The following FBXW11 variants were observed in gnomAD, a reference collection of about 807,000 sequenced individuals.
FBXW11 encodes the protein F-box/WD repeat-containing protein 11.
In FBXW11, 19 loss-of-function variants were observed where a neutral mutation model predicts 77.6. That is an observed-to-expected ratio of 0.24 (90% CI 0.17 to 0.36). The LOEUF (loss-of-function observed/expected upper bound fraction) is 0.36, where lower values mean the gene tolerates loss of function less well. FBXW11 is among the 10% of genes least tolerant of loss of function. The pLI, the probability that FBXW11 is intolerant of heterozygous loss-of-function variation, is 1.00. For missense variants in FBXW11, 334 were observed against 704.2 expected (o/e 0.47, Z 5.95); for synonymous variants, 235 against 249.4 (o/e 0.94, Z 0.54).
At chr5:171,955,545 A>G (rs1763563906) in intron 2 of FBXW11, among the ~76,000 whole-genome samples, 1 of 152,166 alleles carries the variant, frequency 6.6e-6, no homozygotes, top group Non-Finnish European at 1.5e-5. Flanking sequence ...TAAAGGGGAG[A>G]AATGTTGGCA....
chr5:171,971,372 T>C (rs1208950085), intron 1 of FBXW11, among the ~76,000 whole-genome samples: 5 of 152,098 alleles, frequency 3.3e-5, no homozygotes, highest in African/African-American at 1.2e-4. Context: ...AGAAACAGAG[T>C]ACTACTATTA....
At chr5:171,893,715 A>G (rs1214441660) in intron 6 of FBXW11, among the ~76,000 whole-genome samples, 1 of 152,148 alleles carries the variant, frequency 6.6e-6, no homozygotes, top group Non-Finnish European at 1.5e-5. Context: ...ACCAATGTTC[A>G]CGTTATACCC....
intron 4 of FBXW11, among the ~76,000 whole-genome samples, chr5:171,903,669 A>G (rs1280994900): frequency 2.6e-5 from 4 of 152,112 alleles, no homozygotes; most frequent in African/African-American, 9.7e-5. Flanking sequence ...AGCTAATTAC[A>G]GCATCTCACT....
chr5:171,950,405 G>GGAAA (rs990016468), intron 2 of FBXW11, among the ~76,000 whole-genome samples: 1 of 150,232 alleles, frequency 6.7e-6, no homozygotes, highest in African/African-American at 2.4e-5. Context: ...CTTCAAAAAT[G>GGAAA]GAAAGAAAAA....
At chr5:171,972,359 G>A (rs1460658436) in intron 1 of FBXW11, among the ~76,000 whole-genome samples, 2 of 149,590 alleles carry the variant, frequency 1.3e-5, no homozygotes, top group Admixed American at 1.3e-4. Flanking sequence ...AAATAAGCCG[G>A]GTGTGGTGGC....
intron 6 of FBXW11, among the ~76,000 whole-genome samples, chr5:171,896,221 G>C (rs1759736967): frequency 6.6e-6 from 1 of 152,106 alleles, no homozygotes; most frequent in Non-Finnish European, 1.5e-5. Context: ...TGTCGAGGTG[G>C]AGGAAGAAGG....
At chr5:171,880,341 T>A (rs1476380219) in intron 7 of FBXW11, among the ~76,000 whole-genome samples, 1 of 152,228 alleles carries the variant, frequency 6.6e-6, no homozygotes, top group Non-Finnish European at 1.5e-5. Context: ...CTGTGATGAC[T>A]GCAGTTTTAC....
intron 6 of FBXW11, among the ~76,000 whole-genome samples, chr5:171,892,862 T>C (rs1019533362): frequency 6.6e-6 from 1 of 152,234 alleles, no homozygotes; most frequent in African/African-American, 2.4e-5. Flanking sequence ...ATTATTTCTG[T>C]ACAGCTAAAA....
At chr5:171,888,351 C>A (rs1759059326) in intron 7 of FBXW11, among the ~76,000 whole-genome samples, 1 of 152,196 alleles carries the variant, frequency 6.6e-6, no homozygotes, top group Non-Finnish European at 1.5e-5. Context: ...ACAGACTGAA[C>A]CAGCACAGCA....
chr5:171,966,487 T>G (rs1764196113), intron 1 of FBXW11, among the ~76,000 whole-genome samples: 1 of 152,196 alleles, frequency 6.6e-6, no homozygotes, highest in African/African-American at 2.4e-5. Context: ...CTAAGCAGCA[T>G]GACAGAGAAC....
intron 1 of FBXW11, among the ~76,000 whole-genome samples, chr5:171,971,336 G>A (rs572224090): frequency 6.6e-6 from 1 of 152,196 alleles, no homozygotes; most frequent in South Asian, 2.1e-4. Context: ...ATCATCTAAG[G>A]TTACAAAAGT....
chr5:171,869,852 T>C lies in FBXW11; in HGVS notation c.1452-45A>G, dbSNP rs1230475913. ...GTGATTAGTGGAAAAGTGAACAATT[T>C]ATATGCTGTCAAACATTTCCTTGAA... is the stretch of plus-strand genomic sequence containing the variant. On this transcript the variant is annotated intron_variant, in intron 11 of 13. Transcript: ENST00000517395. This position sits in a 1 kb window ranked among gnomAD's most constrained non-coding sequence, Gnocchi z 4.1. 2 of 1,327,938 alleles carry C rather than the reference T, an allele frequency of 1.5e-6. No homozygotes were observed. The highest frequency in any genetic ancestry group is 1.3e-5 in the South Asian group (1 of 79,120). 82.3% of individuals were successfully genotyped at this position (1,327,938 alleles called of 1,614,324 possible). A position where few individuals can be genotyped will look rare whatever the true frequency, so the allele number is the denominator to read the frequency against.
At chr5:171,975,072 G>A (rs763817196) in intron 1 of FBXW11, among the ~76,000 whole-genome samples, 6 of 152,178 alleles carry the variant, frequency 3.9e-5, no homozygotes, top group East Asian at 3.9e-4. Context: ...GGGATTACAG[G>A]CGTGAGCCAC....
At chr5:171,960,975 T>C (rs570096468) in intron 1 of FBXW11, among the ~76,000 whole-genome samples, 4 of 152,224 alleles carry the variant, frequency 2.6e-5, no homozygotes, top group Non-Finnish European at 5.9e-5. Flanking sequence ...TGGTAGATAC[T>C]GTAAGATATA....
chr5:171,893,648 T>C (rs1299420160), intron 6 of FBXW11, among the ~76,000 whole-genome samples: 1 of 152,112 alleles, frequency 6.6e-6, no homozygotes, highest in African/African-American at 2.4e-5. Flanking sequence ...GCTGATTTAG[T>C]AGGCAGATGT....
chr5:171,949,841 G>A (rs750173625), intron 2 of FBXW11, among the ~76,000 whole-genome samples: 32 of 152,118 alleles, frequency 2.1e-4, no homozygotes, highest in Non-Finnish European at 3.5e-4. Flanking sequence ...AATATTCAAT[G>A]TCATCTAGAG....
At chr5:171,936,230 T>C (rs1381031856) in intron 2 of FBXW11, among the ~76,000 whole-genome samples, 1 of 151,750 alleles carries the variant, frequency 6.6e-6, no homozygotes, top group African/African-American at 2.4e-5. Context: ...CAGTAGCTCA[T>C]GCCTGTAATC....
At chr5:171,926,801 A>C (rs1178596230) in intron 2 of FBXW11, among the ~76,000 whole-genome samples, 1 of 152,210 alleles carries the variant, frequency 6.6e-6, no homozygotes, top group Non-Finnish European at 1.5e-5. Context: ...CATAAGGCAG[A>C]GATATTTGGT....
intron 1 of FBXW11, among the ~76,000 whole-genome samples, chr5:171,998,772 G>A (rs1305320913): frequency 1.1e-4 from 16 of 146,560 alleles, no homozygotes; most frequent in African/African-American, 2.6e-5. Context: ...ACTCCAGCCT[G>A]GTTAACAGAG....
Sources: allele counts gnomAD v4.1 joint callset (sites outside exome capture counted in the v4.1 genomes callset), GRCh38; gene constraint gnomAD v4.1.1; non-coding constraint Gnocchi (gnomAD v3.1); transcripts MANE v1.5; gene names NCBI Gene and HGNC (gene_info 2026-07-23, HGNC 2026-07-21).